The following PTPRD variants were observed in gnomAD, a reference collection of about 807,000 sequenced individuals.
PTPRD encodes the protein protein tyrosine phosphatase receptor type D, also known as receptor-type tyrosine-protein phosphatase delta.
PTPRD carries 34 observed loss-of-function variants against 214.5 expected under a neutral mutation model. That is an observed-to-expected ratio of 0.16 (90% CI 0.12 to 0.21). The LOEUF is 0.21. Ranked by LOEUF, PTPRD falls within the 10% of genes least tolerant of loss-of-function variation. PTPRD has a pLI of 1.00. For missense variants in PTPRD, 2,545 were observed against 2,398.7 expected, an observed-to-expected ratio of 1.06 and a Z score of -1.27; for synonymous variants, 1,128 against 845.7, an observed-to-expected ratio of 1.33 and a Z score of -5.79.
chr9:9,802,909 G>C (rs2099050756), intron 5 of PTPRD, among the ~76,000 whole-genome samples: 1 of 151,572 alleles, frequency 6.6e-6, no homozygotes, highest in East Asian at 1.9e-4. Context: ...TATAATTTGA[G>C]CTATTTTAAG....
At chr9:9,983,555 G>C (rs1449516120) in intron 4 of PTPRD, among the ~76,000 whole-genome samples, 1 of 152,160 alleles carries the variant, frequency 6.6e-6, no homozygotes, top group Non-Finnish European at 1.5e-5. Flanking sequence ...CCTATGTATA[G>C]AGCCATTAGG....
At chr9:9,158,337 C>G (rs2099883129) in intron 10 of PTPRD, among the ~76,000 whole-genome samples, 1 of 152,168 alleles carries the variant, frequency 6.6e-6, no homozygotes, top group South Asian at 2.1e-4. Context: ...GAACTAGACT[C>G]ACGCCTGTAA....
At chr9:8,980,048 C>CA (rs1000972014) in intron 11 of PTPRD, among the ~76,000 whole-genome samples, 2 of 151,810 alleles carry the variant, frequency 1.3e-5, no homozygotes, top group Admixed American at 1.3e-4. Flanking sequence ...TATTCAGCCT[C>CA]AAAAAAAGAA....
chr9:10,604,718 A>T (rs904358436), intron 2 of PTPRD, among the ~76,000 whole-genome samples: 1 of 151,884 alleles, frequency 6.6e-6, no homozygotes, highest in Non-Finnish European at 1.5e-5. Flanking sequence ...ATTCTTACAC[A>T]CTAAAATTAT....
intron 9 of PTPRD, among the ~76,000 whole-genome samples, chr9:9,292,418 T>C (rs978219432): frequency 5.3e-5 from 8 of 151,258 alleles, no homozygotes; most frequent in Non-Finnish European, 8.9e-5. Context: ...ACATAAGAGG[T>C]TTTCTTTCTG....
At chr9:9,943,258 A>G (rs767696901) in intron 4 of PTPRD, among the ~76,000 whole-genome samples, 2 of 152,158 alleles carry the variant, frequency 1.3e-5, no homozygotes, top group African/African-American at 2.4e-5. Flanking sequence ...TGGCCTTGGA[A>G]TATTTTGTCA....
intron 11 of PTPRD, among the ~76,000 whole-genome samples, chr9:8,770,267 G>C (rs1031644658): frequency 1.3e-5 from 2 of 151,832 alleles, no homozygotes; most frequent in Middle Eastern, 3.4e-3. Context: ...CTGGATGACA[G>C]AGCTAGATTC....
chr9:9,117,114 TA>T (rs1306164426), intron 10 of PTPRD, among the ~76,000 whole-genome samples: 1 of 152,110 alleles, frequency 6.6e-6, no homozygotes, highest in Non-Finnish European at 1.5e-5. Flanking sequence ...GGACACTGAA[TA>T]GAAACTCTGA....
chr9:9,208,019 G>GTTTTTTTTT (rs1569562243), intron 9 of PTPRD, among the ~76,000 whole-genome samples: 1 of 26,038 alleles, frequency 3.8e-5, no homozygotes, highest in African/African-American at 9.7e-5. Flanking sequence ...ATATATATCT[G>GTTTTTTTTT]CTTTTTTTTT....
chr9:10,529,974 C>T (rs112892599), intron 2 of PTPRD, among the ~76,000 whole-genome samples: 175 of 150,424 alleles, frequency 1.2e-3, no homozygotes, highest in Admixed American at 3.7e-3. Flanking sequence ...AAGACCTAGA[C>T]GACAGGTTGT....
Position 9,909,944 on chromosome 9 carries a change from A to C in PTPRD, c.-368+28563T>G, listed in dbSNP as rs372964665. ...AATACCTATAGATAGTAGATAAGGC[A>C]TGCATACAAATGACAAAATCATCCT... On this transcript the variant is annotated intron_variant, in intron 5 of 45. Coordinates refer to ENST00000381196, the MANE Select transcript of PTPRD (RefSeq NM_002839.4). 6.6e-5 allele frequency among the ~76,000 whole-genome samples: 10 copies of C among 152,106 alleles called. No individual in the cohort carries two copies. The East Asian group carries it at 1.9e-3, about 29-fold the overall frequency.
At chr9:9,814,966 A>G (rs2048312314) in intron 5 of PTPRD, among the ~76,000 whole-genome samples, 1 of 151,620 alleles carries the variant, frequency 6.6e-6, no homozygotes, top group Admixed American at 6.6e-5. Flanking sequence ...CACCTGACTA[A>G]TTTTTATATG....
chr9:8,964,124 A>G lies in PTPRD; in HGVS notation c.-104+54573T>C, dbSNP rs138073332. Among the ~76,000 whole-genome samples the G allele has an allele frequency of 1.9e-3, 270 of 145,740 alleles. 1 individual carries two copies. The highest frequency in any genetic ancestry group is 5.0e-3 in the African/African-American group (200 of 39,842). Reference sequence around the variant, plus strand: ...TCAATTTTTGGAATAGTTTCAGTAGAATTGGTACTAGCTCTTCTTTGTACA... The same window carrying G: ...TCAATTTTTGGAATAGTTTCAGTAGGATTGGTACTAGCTCTTCTTTGTACA... On this transcript the variant is annotated intron_variant, in intron 11 of 45. Coordinates refer to ENST00000381196, the MANE Select transcript of PTPRD (RefSeq NM_002839.4).
At chr9:8,536,392 C>CAT (rs906614042) in intron 14 of PTPRD, among the ~76,000 whole-genome samples, 8 of 151,818 alleles carry the variant, frequency 5.3e-5, no homozygotes, top group African/African-American at 1.2e-4. Flanking sequence ...TAAAAATCCA[C>CAT]ATATATATAC....
chr9:10,543,195 C>T (rs1265457156), intron 2 of PTPRD, among the ~76,000 whole-genome samples: 2 of 152,008 alleles, frequency 1.3e-5, no homozygotes, highest in Non-Finnish European at 2.9e-5. Flanking sequence ...ACTAGCTTTT[C>T]ATTTTTAACT....
chr9:9,810,132 T>TGAAAAAAAAA, intron 5 of PTPRD, among the ~76,000 whole-genome samples: 1 of 39,008 alleles, frequency 2.6e-5, no homozygotes, highest in African/African-American at 4.8e-4. Flanking sequence ...TACTTCCAGG[T>TGAAAAAAAAA]TAAAAAAAAA....
intron 7 of PTPRD, 82 bp from the exon 8 acceptor site, chr9:9,574,863 A>G (rs2087875653): frequency 6.6e-6 from 1 of 152,126 alleles, no homozygotes; most frequent in African/African-American, 2.4e-5. Context: ...TTAGTAATTC[A>G]ATATGAGAAA....
Position 10,516,924 on chromosome 9 carries a change from T to C in PTPRD, c.-600+95474A>G, listed in dbSNP as rs764257131. ...TTCTGGATTTGCTATTCTATTTCAT[T>C]GGCCTATATGTGTCTTTATGTTTGT... On this transcript the variant is annotated intron_variant, in intron 2 of 45. Coordinates refer to ENST00000381196, the MANE Select transcript of PTPRD (RefSeq NM_002839.4). 4.6e-5 allele frequency among the ~76,000 whole-genome samples: 7 copies of C among 152,064 alleles called. 1 individual carries two copies. In the Middle Eastern group the frequency reaches 0.01, roughly 222 times the overall value.
intron 7 of PTPRD, among the ~76,000 whole-genome samples, chr9:9,678,471 C>A (rs1023351321): frequency 2.6e-5 from 4 of 151,662 alleles, no homozygotes; most frequent in African/African-American, 7.3e-5. Context: ...AATGGGGAAA[C>A]GATTCCCAGT....
Sources: allele counts gnomAD v4.1 joint callset (sites outside exome capture counted in the v4.1 genomes callset), GRCh38; gene constraint gnomAD v4.1.1; transcripts MANE v1.5; gene names NCBI Gene and HGNC (gene_info 2026-07-23, HGNC 2026-07-21).